Variants in DIAPH1 observed in about 807,000 individuals in gnomAD.
DIAPH1 encodes protein diaphanous homolog 1.
DIAPH1 carries 46 observed loss-of-function variants against 140.7 expected under a neutral mutation model. The observed-to-expected ratio is 0.33, with a 90% CI of 0.26 to 0.42. The LOEUF (loss-of-function observed/expected upper bound fraction) is 0.42, where lower values mean the gene tolerates loss of function less well. Ranked by LOEUF, DIAPH1 falls within the 10% of genes least tolerant of loss-of-function variation. DIAPH1 has a pLI of 1.00. For missense variants in DIAPH1, 1,310 were observed against 1,558.7 expected, an observed-to-expected ratio of 0.84 and a Z score of 2.69; for synonymous variants, 565 against 551.6, an observed-to-expected ratio of 1.02 and a Z score of -0.34.
intron 9 of DIAPH1, 68 bp from the exon 10 acceptor site, chr5:141,578,693 C>A: frequency 8.1e-7 from 1 of 1,236,658 alleles, no homozygotes; most frequent in Non-Finnish European, 1.2e-6. Flanking sequence ...ATTTTCTTTA[C>A]ATGCATTCTT....
chr5:141,577,753 A>T (rs1180414852), intron 11 of DIAPH1, among the ~76,000 whole-genome samples, 162 bp from the exon 12 acceptor site: 1 of 152,226 alleles, frequency 6.6e-6, no homozygotes, highest in Non-Finnish European at 1.5e-5. Context: ...AAGCTTTCTA[A>T]AACGTCCTTT....
chr5:141,545,437 G>A (rs1233582307), intron 18 of DIAPH1, among the ~76,000 whole-genome samples: 2 of 152,142 alleles, frequency 1.3e-5, no homozygotes, highest in Non-Finnish European at 2.9e-5. Flanking sequence ...GACTGCTTGA[G>A]TCCAGGAGCT....
intron 18 of DIAPH1, among the ~76,000 whole-genome samples, chr5:141,539,269 C>T (rs966483899): frequency 4.0e-5 from 6 of 149,472 alleles, no homozygotes; most frequent in African/African-American, 1.5e-4. Flanking sequence ...AGAGCAAGAC[C>T]ATGTGTCAAA....
intron 19 of DIAPH1, among the ~76,000 whole-genome samples, chr5:141,529,997 T>TCACC (rs1443965069): frequency 6.6e-6 from 1 of 152,050 alleles, no homozygotes; most frequent in Non-Finnish European, 1.5e-5. Flanking sequence ...GGTGGGAGGA[T>TCACC]CACCTGAGCC....
intron 14 of DIAPH1, 56 bp from the exon 15 acceptor site, chr5:141,575,202 A>T: frequency 6.4e-7 from 1 of 1,567,746 alleles, no homozygotes; most frequent in Non-Finnish European, 8.8e-7. Flanking sequence ...TAAGAAGCAC[A>T]AGTATTATTA....
At chr5:141,599,216 A>G (rs1312450069) in intron 1 of DIAPH1, among the ~76,000 whole-genome samples, 2 of 152,220 alleles carry the variant, frequency 1.3e-5, no homozygotes, top group Admixed American at 6.5e-5. Context: ...TACATTCTAC[A>G]TAGCAAAAAG....
intron 1 of DIAPH1, among the ~76,000 whole-genome samples, chr5:141,590,193 C>T (rs1229693423): frequency 6.6e-6 from 1 of 152,174 alleles, no homozygotes; most frequent in Non-Finnish European, 1.5e-5. Context: ...TCAGTTCAAT[C>T]CAGTGTAAAC....
chr5:141,611,411 C>T (rs891827351), intron 1 of DIAPH1, among the ~76,000 whole-genome samples: 3 of 152,078 alleles, frequency 2.0e-5, no homozygotes, highest in African/African-American at 7.2e-5. Context: ...AATGAAAAGA[C>T]AGCCAGAAGT....
rs1027567630 is a variant in DIAPH1 at position 141,594,523 on chromosome 5, C to T, written c.118-6273G>A. On this transcript the variant is annotated intron_variant, in intron 1 of 27. Coordinates refer to ENST00000389054, the MANE Select transcript of DIAPH1 (RefSeq NM_005219.5). ...CTGGGAGGCTGAGACGGGTGGGTTACTTGAGACCAGGAGGTTGAGGCCAGA... is the reference window on the plus strand; with the variant it reads ...CTGGGAGGCTGAGACGGGTGGGTTATTTGAGACCAGGAGGTTGAGGCCAGA... Among the ~76,000 whole-genome samples the T allele has an allele frequency of 3.3e-5, 5 of 152,324 alleles. No homozygotes were observed. In the South Asian group the frequency reaches 1.0e-3, roughly 32 times the overall value.
chr5:141,555,102 T>C (rs951895010), intron 18 of DIAPH1, among the ~76,000 whole-genome samples: 1 of 152,092 alleles, frequency 6.6e-6, no homozygotes, highest in Non-Finnish European at 1.5e-5. Context: ...CGACCTGAAA[T>C]AAAGAAGAAC....
intron 18 of DIAPH1, among the ~76,000 whole-genome samples, chr5:141,542,833 G>T (rs1432684429): frequency 6.6e-6 from 1 of 152,074 alleles, no homozygotes; most frequent in Non-Finnish European, 1.5e-5. Flanking sequence ...CTCTAAAATG[G>T]TTAATTTTAT....
intron 18 of DIAPH1, chr5:141,558,461 G>C (rs912534209): frequency 6.6e-6 from 1 of 152,094 alleles, no homozygotes; most frequent in Non-Finnish European, 1.5e-5. Flanking sequence ...CTGACATCCT[G>C]GAAACTACGT....
chr5:141,537,919 T>A (rs571577186), intron 18 of DIAPH1, among the ~76,000 whole-genome samples: 139 of 152,162 alleles, frequency 9.1e-4, no homozygotes, highest in African/African-American at 3.3e-3. Context: ...TGAGACAGGG[T>A]CTCATTTGGT....
intron 1 of DIAPH1, among the ~76,000 whole-genome samples, chr5:141,594,346 A>G (rs1324583548): frequency 1.3e-5 from 2 of 152,234 alleles, no homozygotes; most frequent in South Asian, 2.1e-4. Flanking sequence ...TTAGTAGGTG[A>G]ACAGGTAACT....
chr5:141,559,062 A>G (rs1327963363), intron 18 of DIAPH1, among the ~76,000 whole-genome samples: 1 of 152,232 alleles, frequency 6.6e-6, no homozygotes, highest in Non-Finnish European at 1.5e-5. Context: ...CTGTGAGGGT[A>G]ACATAGCTAT....
At chr5:141,586,491 T>C (rs2099897571) in intron 3 of DIAPH1, among the ~76,000 whole-genome samples, 2 of 152,238 alleles carry the variant, frequency 1.3e-5, no homozygotes, top group Non-Finnish European at 2.9e-5. Flanking sequence ...CTGAATATCC[T>C]CCTTATTCGG....
intron 27 of DIAPH1, among the ~76,000 whole-genome samples, chr5:141,518,203 G>A (rs1006733723): frequency 5.3e-5 from 8 of 151,742 alleles, no homozygotes; most frequent in Admixed American, 3.3e-4. Context: ...ATGATGAAAC[G>A]TCCTGGAATT....
At chr5:141,578,777 T>C (rs2099896324) in intron 9 of DIAPH1, 152 bp from the exon 10 acceptor site, 2 of 697,502 alleles carry the variant, frequency 2.9e-6, no homozygotes, top group Non-Finnish European at 5.0e-6. Flanking sequence ...CAATGAGACC[T>C]GGTTTGAGTA....
chr5:141,523,217 A>G (rs1202847442), intron 27 of DIAPH1, among the ~76,000 whole-genome samples: 1 of 152,260 alleles, frequency 6.6e-6, no homozygotes, highest in East Asian at 1.9e-4. Context: ...AACAGGGAAC[A>G]TAGATTTAAG....
Sources: gnomAD v4.1 joint callset for allele counts (sites outside exome capture counted in the v4.1 genomes callset) on GRCh38, gnomAD v4.1.1 for gene constraint, MANE v1.5 for transcripts, NCBI Gene and HGNC (gene_info 2026-07-23, HGNC 2026-07-21) for gene names.